COL3A1: variants seen among roughly 807,000 people sequenced by gnomAD.
The protein encoded by COL3A1 is collagen alpha-1(III) chain.
COL3A1 carries 46 observed loss-of-function variants against 200.9 expected under a neutral mutation model. The observed-to-expected ratio is 0.23, with a 90% CI of 0.18 to 0.29. The LOEUF is 0.29. Ranked by LOEUF, COL3A1 falls within the 10% of genes least tolerant of loss-of-function variation. COL3A1 has a pLI of 1.00. For missense variants in COL3A1, 1,367 were observed against 1,917.6 expected (o/e 0.71, Z 5.36); for synonymous variants, 650 against 628.0 (o/e 1.03, Z -0.52).
intron 6 of COL3A1, among the ~76,000 whole-genome samples, 191 bp from the exon 7 acceptor site, chr2:188,988,399 G>C (rs765712959): frequency 6.6e-6 from 1 of 152,026 alleles, no homozygotes; most frequent in Admixed American, 6.6e-5. Context: ...ATTCAGTTTT[G>C]ATGGATTGCA....
In COL3A1 at chr2:189,008,111, C is replaced by T. The variant is rs763107572; in HGVS notation, c.3494C>T (p.Pro1165Leu). Residue 1165 changes from proline to leucine, a missense_variant, in exon 47 of 51, where the codon CCT (proline) becomes CTT (leucine). Physicochemically the swap from Pro to Leu is moderately conservative, Grantham distance 98. This residue lies in a region of COL3A1 where 846 missense variants were observed against 1,147.9 expected (regional missense o/e 0.74). Transcript: ENST00000304636. ...GHPGPIGPPG[P>L]RGNRGERGSE... ...CCAGGTCCCATTGGACCACCAGGGC[C>T]TCGAGGTAACAGAGGTGAAAGAGGA... 6.2e-7 allele frequency: 1 copy of T among 1,613,722 alleles called. No homozygotes were observed. Among genetic ancestry groups the T allele is most frequent in the Non-Finnish European group, 8.5e-7 (1 of 1,179,824 alleles).
intron 1 of COL3A1, among the ~76,000 whole-genome samples, chr2:188,982,758 A>G (rs1369220675): frequency 6.6e-6 from 1 of 151,894 alleles, no homozygotes; most frequent in Non-Finnish European, 1.5e-5. Flanking sequence ...AATATTTCAT[A>G]TAAAGTTGAT....
chr2:188,981,695 A>G lies in COL3A1; in HGVS notation c.80-3065A>G, dbSNP rs116989700. 9.4e-4 allele frequency among the ~76,000 whole-genome samples: 143 copies of G among 151,612 alleles called. No homozygotes were observed. The East Asian group carries it at 0.02, about 21-fold the overall frequency. Reference sequence around the variant, plus strand: ...AATGTTGCAAATGGCTAACTAGAGCATTTTTATTCCTCTAGAAACAAAACA... The same window carrying G: ...AATGTTGCAAATGGCTAACTAGAGCGTTTTTATTCCTCTAGAAACAAAACA... On this transcript the variant is annotated intron_variant, in intron 1 of 50. Transcript: ENST00000304636.
Position 188,991,056 on chromosome 2 carries a change from A to T in COL3A1, c.851A>T (p.Lys284Met). 1 of 1,612,814 alleles carries T rather than the reference A, an allele frequency of 6.2e-7. No individual in the cohort carries two copies. The highest frequency in any genetic ancestry group is 8.5e-7 in the Non-Finnish European group (1 of 1,179,164). Reference sequence around the variant, plus strand: ...GGTGAAACAGGTGCTCCTGGATTAAAGGTAAATCACAACAAAAATCATATT... The same window carrying T: ...GGTGAAACAGGTGCTCCTGGATTAATGGTAAATCACAACAAAAATCATATT... Reference protein sequence around the residue: ...EKGETGAPGLKGENGLPGENG... With the variant: ...EKGETGAPGLMGENGLPGENG... Residue 284 changes from lysine to methionine, a missense_variant and splice_region_variant, in exon 11 of 51, where the codon AAG (lysine) becomes ATG (methionine). By Grantham distance (95) the Lys-to-Met change is moderately conservative (BLOSUM62 -1). Transcript: ENST00000304636.
chr2:188,986,701 A>G (rs1197508938), intron 4 of COL3A1, among the ~76,000 whole-genome samples: 2 of 152,040 alleles, frequency 1.3e-5, no homozygotes, highest in African/African-American at 2.4e-5. Context: ...GGTGTATTAT[A>G]TGATCTCGAG....
chr2:188,996,192 TA>T lies in COL3A1; in HGVS notation c.1662+18del. 2 of 1,612,238 alleles carry T rather than the reference TA, an allele frequency of 1.2e-6. No individual in the cohort carries two copies. Among genetic ancestry groups the T allele is most frequent in the Non-Finnish European group, 1.7e-6 (2 of 1,178,696 alleles). ...CCAGGGCCTCCCGTATGTACATTTT[TA>T]AAATCTCATTTTAAAAGGCCAGTTA... On this transcript the variant is annotated intron_variant, in intron 23 of 50. Transcript: ENST00000304636.
At position 189,006,936 on chromosome 2, in the gene COL3A1, G is replaced by GGGCCCTGCT. The variant is rs771791598; in HGVS notation, c.3213_3221dup (p.Pro1072_Gly1074dup). On this transcript the variant is annotated inframe_insertion and splice_region_variant. Transcript: ENST00000304636. ...TTCTCAATTGAATGTTTTCATCTTAGGGCCCTGCTGGCCCTGCTGGTGCTC... is the reference window on the plus strand; with the variant it reads ...TTCTCAATTGAATGTTTTCATCTTAGGGCCCTGCTGGCCCTGCTGGCCCTGCTGGTGCTC... The GGGCCCTGCT allele has an allele frequency of 2.5e-6, 4 of 1,613,148 alleles. No individual in the cohort carries two copies. Among genetic ancestry groups the GGGCCCTGCT allele is most frequent in the Non-Finnish European group, 3.4e-6 (4 of 1,179,684 alleles).
intron 43 of COL3A1, 105 bp downstream of exon 43, chr2:189,006,557 G>C: frequency 5.5e-6 from 6 of 1,095,526 alleles, no homozygotes; most frequent in Non-Finnish European, 8.1e-6. Flanking sequence ...AATATCCACT[G>C]TCATTTGTTT....
At chr2:188,991,383 C>G in intron 11 of COL3A1, 104 bp from the exon 12 acceptor site, 1 of 736,862 alleles carries the variant, frequency 1.4e-6, no homozygotes, top group Non-Finnish European at 2.2e-6. Context: ...AAATGTATAT[C>G]TTTTTCTAGG....
rs117310680 is a variant in COL3A1, at chr2:188,987,563, T to A, written c.528+424T>A. Among the ~76,000 whole-genome samples the A allele has an allele frequency of 3.7e-3, 568 of 152,258 alleles. 8 individuals are homozygous for A. Among genetic ancestry groups the A allele is most frequent in the Admixed American group, 0.028 (428 of 15,280 alleles). ...ACAATGATAAATCAATTGTCCTATGTATGATGATTCTTGCATGATCATATA... is the reference window on the plus strand; with the variant it reads ...ACAATGATAAATCAATTGTCCTATGAATGATGATTCTTGCATGATCATATA... On this transcript the variant is annotated intron_variant, in intron 5 of 50. Coordinates refer to ENST00000304636, the MANE Select transcript of COL3A1 (RefSeq NM_000090.4).
intron 6 of COL3A1, 36 bp from the exon 7 acceptor site, chr2:188,988,554 G>T (rs1367883859): frequency 7.0e-7 from 1 of 1,437,992 alleles, no homozygotes; most frequent in Non-Finnish European, 9.7e-7. Context: ...TGAAGATTTT[G>T]TTACTTTAAA....
At chr2:188,995,206 T>A in intron 21 of COL3A1, 107 bp downstream of exon 21, 1 of 1,088,616 alleles carries the variant, frequency 9.2e-7, no homozygotes, top group Non-Finnish European at 1.4e-6. Flanking sequence ...GAATATATAT[T>A]AGAGTTAAGA....
intron 8 of COL3A1, 97 bp from the exon 9 acceptor site, chr2:188,989,999 C>G (rs1160767034): frequency 8.9e-7 from 1 of 1,122,728 alleles, no homozygotes; most frequent in Admixed American, 1.7e-5. Context: ...TTTAATGAGT[C>G]CTTTGTGAGA....
Position 188,994,273 on chromosome 2 carries a change from G to A in COL3A1, c.1234G>A (p.Ala412Thr), listed in dbSNP as rs768314657. ...GIPGAPGLMGARGPPGPAGAN... is the reference protein window; with the variant it reads ...GIPGAPGLMGTRGPPGPAGAN... ...TCCTGGAGCTCCTGGACTGATGGGA[G>A]CCCGGGGTCCTCCAGGACCAGCCGG... The change falls in exon 18 of 51, where the codon GCC becomes ACC. Residue 412 changes from alanine to threonine, a missense_variant. Ala to Thr is a moderately conservative substitution (Grantham distance 58). Transcript: ENST00000304636. This position sits in a 1 kb window ranked among gnomAD's most constrained non-coding sequence, Gnocchi z 4.5. The A allele has an allele frequency of 6.2e-7, 1 of 1,613,954 alleles. No individual in the cohort carries two copies. The highest frequency in any genetic ancestry group is 1.7e-5 in the Admixed American group (1 of 60,016).
chr2:188,988,737 A>C, intron 7 of COL3A1, 94 bp downstream of exon 7: 1 of 842,804 alleles, frequency 1.2e-6, no homozygotes, highest in Non-Finnish European at 1.9e-6. Flanking sequence ...TTACAGAATG[A>C]AGATTAAATT....
intron 1 of COL3A1, among the ~76,000 whole-genome samples, chr2:188,976,872 A>C (rs1177403607): frequency 1.3e-5 from 2 of 152,218 alleles, no homozygotes; most frequent in African/African-American, 4.8e-5. Flanking sequence ...CTAGTGGCTG[A>C]CAAGCCAGGT....
In COL3A1 at chr2:189,003,016, G is replaced by A. The variant is rs1441743655; in HGVS notation, c.2507G>A (p.Gly836Glu). ...GGGGCTCCGGGTGAGAAAGGTGAAG[G>A]AGGCCCTCCTGGAGTTGCAGGACCC... The part of the protein sequence containing the change: ...ERGAPGEKGE[G>E]GPPGVAGPPG... The change falls in exon 36 of 51, where the codon GGA becomes GAA. Residue 836 changes from glycine to glutamate, a missense_variant. Gly to Glu is a moderately conservative substitution (Grantham distance 98). This residue lies in a region of COL3A1 where 846 missense variants were observed against 1,147.9 expected (regional missense o/e 0.74). Coordinates refer to ENST00000304636, the MANE Select transcript of COL3A1 (RefSeq NM_000090.4). The A allele has an allele frequency of 1.9e-6, 3 of 1,551,534 alleles. No homozygotes were observed. The African/African-American group carries it at 4.1e-5, about 21-fold the overall frequency.
intron 27 of COL3A1, 148 bp downstream of exon 27, chr2:188,997,901 A>G (rs558236416): frequency 1.4e-6 from 1 of 734,628 alleles, no homozygotes; most frequent in African/African-American, 1.8e-5. Flanking sequence ...AGGTAGGCAT[A>G]TCTTCCATGT....
intron 1 of COL3A1, among the ~76,000 whole-genome samples, chr2:188,982,583 T>C (rs1687975367): frequency 6.6e-6 from 1 of 151,834 alleles, no homozygotes; most frequent in Non-Finnish European, 1.5e-5. Context: ...TGGCTGTTTT[T>C]CATAATCCAC....
Sources: allele counts gnomAD v4.1 joint callset (sites outside exome capture counted in the v4.1 genomes callset), GRCh38; gene constraint gnomAD v4.1.1; regional missense constraint gnomAD v4.1.1; non-coding constraint Gnocchi (gnomAD v3.1); transcripts MANE v1.5; gene names NCBI Gene and HGNC (gene_info 2026-07-23, HGNC 2026-07-21).